The following RAD51B variants were observed in gnomAD, a reference collection of about 807,000 sequenced individuals.
The protein encoded by RAD51B is DNA repair protein RAD51 homolog 2.
RAD51B carries 38 observed loss-of-function variants against 42.2 expected under a neutral mutation model. The observed-to-expected ratio is 0.90, with a 90% CI of 0.70 to 1.18. RAD51B has a LOEUF of 1.18. Ranked by LOEUF, RAD51B falls within the 50% of genes most tolerant of loss-of-function variation. The probability of loss-of-function intolerance (pLI) is 0.00; values close to 1 mark genes in which losing one functional copy is unlikely to be tolerated. For missense variants in RAD51B, 373 were observed against 400.7 expected (o/e 0.93, Z 0.59); for synonymous variants, 154 against 145.2 (o/e 1.06, Z -0.43).
rs1452111029 is a variant in RAD51B at position 68,362,209 on chromosome 14, CA to C, written c.854-49208del. ...TAGTGCCTAACACATTGTGAGCTCT[CA>C]AAAAAATATAAATGTTAGCTCTTGT... On this transcript the variant is annotated intron_variant, in intron 8 of 10. Coordinates refer to ENST00000471583, the MANE Select transcript of RAD51B (RefSeq NM_133510.4). 1.3e-5 allele frequency among the ~76,000 whole-genome samples: 2 copies of C among 152,094 alleles called. 1 individual carries two copies. Among genetic ancestry groups the C allele is most frequent in the East Asian group, 3.9e-4 (2 of 5,170 alleles).
chr14:68,585,890 G>A (rs1390669422), intron 10 of RAD51B, among the ~76,000 whole-genome samples: 1 of 152,068 alleles, frequency 6.6e-6, no homozygotes, highest in Non-Finnish European at 1.5e-5. Context: ...TGCAGAGGGG[G>A]GAGACAACTC....
chr14:68,138,844 TTCATTCAATCTATGA>T (rs1211894768), intron 7 of RAD51B, among the ~76,000 whole-genome samples: 2 of 152,202 alleles, frequency 1.3e-5, no homozygotes, highest in African/African-American at 2.4e-5. Context: ...CTTTTCTATC[TTCATTCAATCTATGA>T]TTGAATGAGA....
chr14:68,169,362 T>A (rs1054257375), intron 7 of RAD51B, among the ~76,000 whole-genome samples: 4 of 152,154 alleles, frequency 2.6e-5, no homozygotes, highest in Non-Finnish European at 5.9e-5. Flanking sequence ...TTTCTGCTCC[T>A]AAAGCCTTTT....
At chr14:68,292,913 C>T (rs775971166) in intron 8 of RAD51B, among the ~76,000 whole-genome samples, 1 of 152,200 alleles carries the variant, frequency 6.6e-6, no homozygotes, top group Non-Finnish European at 1.5e-5. Context: ...AGGGATACAT[C>T]ATCATAACCC....
chr14:68,313,199 G>C (rs751885312), intron 8 of RAD51B, among the ~76,000 whole-genome samples: 7 of 152,182 alleles, frequency 4.6e-5, no homozygotes, highest in Non-Finnish European at 8.8e-5. Flanking sequence ...CTGCATGTCT[G>C]TGGGGGCCGT....
intron 7 of RAD51B, among the ~76,000 whole-genome samples, chr14:67,974,873 T>A (rs1382379938): frequency 6.6e-6 from 1 of 152,222 alleles, no homozygotes; most frequent in Non-Finnish European, 1.5e-5. Flanking sequence ...AATAACATTT[T>A]AAAAGATGTT....
At chr14:68,114,305 G>A (rs2077506068) in intron 7 of RAD51B, among the ~76,000 whole-genome samples, 1 of 152,054 alleles carries the variant, frequency 6.6e-6, no homozygotes, top group Non-Finnish European at 1.5e-5. Context: ...ATATTAAGGT[G>A]AAGTTGGATT....
intron 10 of RAD51B, among the ~76,000 whole-genome samples, chr14:68,578,789 A>G (rs1213010949): frequency 2.0e-5 from 3 of 152,256 alleles, no homozygotes; most frequent in African/African-American, 7.2e-5. Context: ...CACGTGGCAG[A>G]CAGAGAGGTG....
chr14:68,606,404 G>A (rs959259648), intron 10 of RAD51B, among the ~76,000 whole-genome samples: 4 of 152,174 alleles, frequency 2.6e-5, no homozygotes, highest in Non-Finnish European at 4.4e-5. Context: ...CAAGCACCAC[G>A]TGTCCTTGAA....
At chr14:67,911,464 T>C (rs934485050) in intron 7 of RAD51B, among the ~76,000 whole-genome samples, 4 of 152,178 alleles carry the variant, frequency 2.6e-5, no homozygotes, top group African/African-American at 9.7e-5. Flanking sequence ...TGATATGACA[T>C]TCTGGAGTTG....
chr14:68,322,191 C>G (rs901294785), intron 8 of RAD51B, among the ~76,000 whole-genome samples: 4 of 152,192 alleles, frequency 2.6e-5, no homozygotes, highest in African/African-American at 7.2e-5. Context: ...TTAATTCATG[C>G]ATGAAGAACT....
intron 10 of RAD51B, among the ~76,000 whole-genome samples, chr14:68,588,643 T>C (rs1890599934): frequency 6.6e-6 from 1 of 152,224 alleles, no homozygotes; most frequent in African/African-American, 2.4e-5. Flanking sequence ...GTAACTTTCA[T>C]AATGGATAAA....
At chr14:67,937,279 T>C (rs892308546) in intron 7 of RAD51B, among the ~76,000 whole-genome samples, 6 of 152,210 alleles carry the variant, frequency 3.9e-5, no homozygotes, top group Non-Finnish European at 1.5e-5. Flanking sequence ...TGACACACCT[T>C]CTTCCTGTCT....
chr14:67,885,625 T>C (rs2043039348), intron 5 of RAD51B: 1 of 273,384 alleles, frequency 3.7e-6, no homozygotes, highest in African/African-American at 2.2e-5. Context: ...TCAAGAGACA[T>C]TGTTGTTTGC....
intron 8 of RAD51B, among the ~76,000 whole-genome samples, chr14:68,368,228 T>C (rs2083182108): frequency 6.6e-6 from 1 of 152,202 alleles, no homozygotes; most frequent in Non-Finnish European, 1.5e-5. Context: ...ACAGAAACCC[T>C]GTGAGGCAGG....
Position 67,965,076 on chromosome 14 carries a change from A to G in RAD51B, c.756+77872A>G, listed in dbSNP as rs141697477. On this transcript the variant is annotated intron_variant, in intron 7 of 10. Coordinates refer to ENST00000471583, the MANE Select transcript of RAD51B (RefSeq NM_133510.4). ...AGCACAGAGAAAATTGGCAAACAAG[A>G]TCCTTATCCTTTTGGAGCTCAGTAA... Among the ~76,000 whole-genome samples the G allele has an allele frequency of 6.6e-5, 10 of 152,304 alleles. No homozygotes were observed. In the East Asian group the frequency reaches 1.9e-3, roughly 29 times the overall value.
chr14:68,569,635 C>A (rs997567408), intron 10 of RAD51B, among the ~76,000 whole-genome samples: 1 of 152,170 alleles, frequency 6.6e-6, no homozygotes, highest in Non-Finnish European at 1.5e-5. Flanking sequence ...CACCTCTGCC[C>A]GCAGAGAGGG....
intron 7 of RAD51B, among the ~76,000 whole-genome samples, chr14:68,057,928 G>T (rs1237849097): frequency 2.0e-5 from 3 of 150,132 alleles, no homozygotes; most frequent in Admixed American, 1.3e-4. Flanking sequence ...AGGCCTTTTC[G>T]TTCTTATCAA....
intron 8 of RAD51B, among the ~76,000 whole-genome samples, chr14:68,395,429 C>T (rs1384471039): frequency 6.6e-6 from 1 of 152,042 alleles, no homozygotes; most frequent in Non-Finnish European, 1.5e-5. Flanking sequence ...ACTTTTTAGT[C>T]ATGAAAAAAG....
Sources: gnomAD v4.1 joint callset for allele counts (sites outside exome capture counted in the v4.1 genomes callset) on GRCh38, gnomAD v4.1.1 for gene constraint, MANE v1.5 for transcripts, NCBI Gene and HGNC (gene_info 2026-07-23, HGNC 2026-07-21) for gene names.